Variants in PFKFB3 observed in about 807,000 individuals in gnomAD.
PFKFB3 encodes 6-phosphofructo-2-kinase/fructose-2,6-biphosphatase 3.
In PFKFB3, 33 loss-of-function variants were observed where a neutral mutation model predicts 68.0. That is an observed-to-expected ratio of 0.49 (90% confidence interval 0.37 to 0.65). The LOEUF (loss-of-function observed/expected upper bound fraction) is 0.65. Among genes scored for constraint, PFKFB3 ranks in the 30% least tolerant of loss-of-function variants. The pLI, the probability that PFKFB3 is intolerant of heterozygous loss-of-function variation, is 0.00. For missense variants in PFKFB3, 586 were observed against 712.2 expected (o/e 0.82, Z 2.02); for synonymous variants, 315 against 288.2 (o/e 1.09, Z -0.94).
intron 1 of PFKFB3, among the ~76,000 whole-genome samples, chr10:6,206,734 CA>C (rs1843752123): frequency 6.8e-6 from 1 of 147,808 alleles, no homozygotes; most frequent in Admixed American, 6.7e-5. Flanking sequence ...GGATGGCGGC[CA>C]GGAAGAGGCG....
upstream of PFKFB3, among the ~76,000 whole-genome samples, chr10:6,202,169 C>A (rs1468361131): frequency 6.6e-6 from 1 of 152,244 alleles, no homozygotes; most frequent in African/African-American, 2.4e-5. Context: ...CAGCTGCCCC[C>A]AGCCCCAGTC....
At chr10:6,166,082 C>T (rs1374322716) in intron 1 of PFKFB3, among the ~76,000 whole-genome samples, 8 of 151,368 alleles carry the variant, frequency 5.3e-5, no homozygotes, top group African/African-American at 1.9e-4. Flanking sequence ...TGGGTTCAAG[C>T]GATTCTCCTG....
the PFKFB3 span, among the ~76,000 whole-genome samples, chr10:6,261,454 A>C: frequency 6.6e-6 from 1 of 152,210 alleles, no homozygotes; most frequent in Non-Finnish European, 1.5e-5. Flanking sequence ...GCATGTTCTC[A>C]CTTACAAGTG....
chr10:6,231,439 C>T, intron 14 of PFKFB3: 1 of 1,522,708 alleles, frequency 6.6e-7, no homozygotes, highest in Non-Finnish European at 8.8e-7. Context: ...AAGTGCAACA[C>T]CATTGTCGTG....
At chr10:6,162,991 G>A (rs1387139659) in intron 1 of PFKFB3, among the ~76,000 whole-genome samples, 1 of 152,234 alleles carries the variant, frequency 6.6e-6, no homozygotes, top group African/African-American at 2.4e-5. Context: ...AAACGGATCA[G>A]TTATTCCAGT....
chr10:6,161,002 C>CTT (rs919191692), intron 1 of PFKFB3, among the ~76,000 whole-genome samples: 12 of 151,962 alleles, frequency 7.9e-5, no homozygotes, highest in South Asian at 4.2e-4. Flanking sequence ...ATGGTGTGAT[C>CTT]TTGGCTCACT....
At chr10:6,307,516 TC>T in the PFKFB3 span, among the ~76,000 whole-genome samples, 1 of 38,562 alleles carries the variant, frequency 2.6e-5, no homozygotes, top group Non-Finnish European at 8.6e-5. Context: ...TCTTTTTCCT[TC>T]CTTCCTTCCT....
chr10:6,226,134 T>C, intron 13 of PFKFB3, 58 bp from the exon 14 acceptor site: 10 of 1,453,260 alleles, frequency 6.9e-6, no homozygotes, highest in Non-Finnish European at 9.3e-6. Context: ...TTGGGGCTAA[T>C]TTTCCTCCCC....
At chr10:6,302,983 A>C in the PFKFB3 span, among the ~76,000 whole-genome samples, 30 of 152,308 alleles carry the variant, frequency 2.0e-4, no homozygotes, top group African/African-American at 7.0e-4. Context: ...GACTCTTGTG[A>C]GATAACACAG....
Position 6,154,347 on chromosome 10 carries a change from G to T in PFKFB3, c.16+9334G>T, listed in dbSNP as rs1841700745. Among the ~76,000 whole-genome samples the T allele has an allele frequency of 6.6e-6, 1 of 151,798 alleles. No individual in the cohort carries two copies. Among genetic ancestry groups the T allele is most frequent in the Admixed American group, 6.6e-5 (1 of 15,222 alleles). On this transcript the variant is annotated intron_variant, in intron 1 of 14. Transcript: ENST00000379789. This position sits in a 1 kb window ranked among gnomAD's most constrained non-coding sequence, Gnocchi z 4.6. ...TGCAACCTCTGCCTCTCGAGTTCAA[G>T]CGATCCTCCTGCCTCAGCCTCCAGG...
chr10:6,280,017 A>G, the PFKFB3 span, among the ~76,000 whole-genome samples: 2 of 152,190 alleles, frequency 1.3e-5, no homozygotes, highest in African/African-American at 2.4e-5. Context: ...ACAGGGTTCC[A>G]GGGCTTTCCA....
At chr10:6,207,073 A>G (rs372187151) in intron 1 of PFKFB3, among the ~76,000 whole-genome samples, 105 of 152,154 alleles carry the variant, frequency 6.9e-4, no homozygotes, top group South Asian at 2.5e-3. Context: ...GCACTTTGGG[A>G]GGCCAAGGCA....
downstream of PFKFB3, among the ~76,000 whole-genome samples, chr10:6,255,052 A>G (rs1241198790): frequency 6.6e-6 from 1 of 150,498 alleles, no homozygotes; most frequent in African/African-American, 2.4e-5. Flanking sequence ...CCTGATCTCA[A>G]GTGATCGGCC....
chr10:6,270,607 G>C, the PFKFB3 span, among the ~76,000 whole-genome samples: 2 of 152,124 alleles, frequency 1.3e-5, no homozygotes, highest in Non-Finnish European at 2.9e-5. Context: ...TGTGCTTGCT[G>C]TTTCCTCTGG....
At chr10:6,193,408 C>T (rs996809556) in intron 1 of PFKFB3, among the ~76,000 whole-genome samples, 6 of 152,204 alleles carry the variant, frequency 3.9e-5, no homozygotes, top group African/African-American at 9.7e-5. Context: ...TTAGTTGAAT[C>T]GCTGCAAAGG....
intron 1 of PFKFB3, among the ~76,000 whole-genome samples, chr10:6,187,717 C>A (rs549574174): frequency 1.3e-5 from 2 of 152,264 alleles, no homozygotes; most frequent in South Asian, 4.1e-4. Flanking sequence ...AAGAATTTTG[C>A]TCAGAAGTGT....
intron 1 of PFKFB3, among the ~76,000 whole-genome samples, chr10:6,175,943 A>C (rs888805680): frequency 8.5e-5 from 13 of 152,370 alleles, no homozygotes; most frequent in Non-Finnish European, 1.8e-4. Flanking sequence ...ACCAGAGCCA[A>C]GCATCTGCAC....
chr10:6,194,556 G>A (rs566380312), intron 1 of PFKFB3, among the ~76,000 whole-genome samples: 6 of 152,294 alleles, frequency 3.9e-5, no homozygotes, highest in Non-Finnish European at 7.3e-5. Flanking sequence ...GAGACAAGGG[G>A]GCATTTCCAG....
chr10:6,303,601 T>G, the PFKFB3 span, among the ~76,000 whole-genome samples: 1 of 151,458 alleles, frequency 6.6e-6, no homozygotes, highest in East Asian at 1.9e-4. Context: ...GATTACGAGG[T>G]CAGGAGTTCG....
Sources: allele counts gnomAD v4.1 joint callset (sites outside exome capture counted in the v4.1 genomes callset), GRCh38; gene constraint gnomAD v4.1.1; non-coding constraint Gnocchi (gnomAD v3.1); transcripts MANE v1.5; gene names NCBI Gene and HGNC (gene_info 2026-07-23, HGNC 2026-07-21).